The following FHOD3 variants were observed in gnomAD, a reference collection of about 807,000 sequenced individuals.
The protein encoded by FHOD3 is FH1/FH2 domain-containing protein 3.
FHOD3 carries 90 observed loss-of-function variants against 173.0 expected under a neutral mutation model. That is an observed-to-expected ratio of 0.52 (90% CI 0.44 to 0.62). The LOEUF (loss-of-function observed/expected upper bound fraction) is 0.62, where lower values mean the gene tolerates loss of function less well. FHOD3 is among the 20% of genes least tolerant of loss of function. The pLI, the probability that FHOD3 is intolerant of heterozygous loss-of-function variation, is 0.00. For synonymous variants in FHOD3, 828 were observed against 823.0 expected, an observed-to-expected ratio of 1.01 and a Z score of -0.10; for missense variants, 1,945 against 2,034.7, an observed-to-expected ratio of 0.96 and a Z score of 0.85.
rs1233168725 is a variant in FHOD3 at position 36,355,596 on chromosome 18, A to G, written c.223A>G (p.Thr75Ala). 1 of 1,613,984 alleles carries G rather than the reference A, an allele frequency of 6.2e-7. No homozygotes were observed. Among genetic ancestry groups the G allele is most frequent in the Non-Finnish European group, 8.5e-7 (1 of 1,180,008 alleles). Reference protein sequence around the residue: ...HNGAYLDLEATLAEQRDELEG... With the variant: ...HNGAYLDLEAALAEQRDELEG... ...TGGCGCCTACCTGGATTTGGAGGCC[A>G]CCCTGGCAGAGCAGCGGGATGAGTT... The change falls in exon 2 of 29, where the codon ACC (threonine) becomes GCC (alanine). Residue 75 changes from threonine (T) to alanine (A), a missense_variant. Thr to Ala is a moderately conservative substitution (Grantham distance 58). Around this residue, in one of 5 missense-constraint regions of FHOD3, gnomAD observed 245 missense variants for 267.7 expected, o/e 0.92. Coordinates refer to ENST00000590592, the MANE Select transcript of FHOD3 (RefSeq NM_001281740.3).
At chr18:36,341,090 G>T (rs941206703) in intron 1 of FHOD3, among the ~76,000 whole-genome samples, 1 of 152,148 alleles carries the variant, frequency 6.6e-6, no homozygotes, top group Non-Finnish European at 1.5e-5. Flanking sequence ...TACTAATTGT[G>T]TCAATCTTAG....
chr18:36,474,978 T>G (rs2053477497), intron 3 of FHOD3, among the ~76,000 whole-genome samples: 1 of 95,094 alleles, frequency 1.1e-5, no homozygotes, highest in African/African-American at 3.9e-5. Context: ...AGGTTGAAAA[T>G]ACACACATAC....
intron 1 of FHOD3, among the ~76,000 whole-genome samples, chr18:36,321,895 G>A (rs555683326): frequency 3.9e-5 from 6 of 152,338 alleles, no homozygotes; most frequent in Admixed American, 6.5e-5. Flanking sequence ...GGCTGCAGGC[G>A]ATGCCCTGTG....
At chr18:36,548,333 G>C (rs2057499441) in intron 5 of FHOD3, among the ~76,000 whole-genome samples, 1 of 152,190 alleles carries the variant, frequency 6.6e-6, no homozygotes, top group Non-Finnish European at 1.5e-5. Flanking sequence ...GATATTTCCT[G>C]TTAGTTTTGT....
rs1253575551 is a variant in FHOD3, at chr18:36,559,980, T to A, written c.512-16471T>A. 3.3e-5 allele frequency among the ~76,000 whole-genome samples: 5 copies of A among 152,128 alleles called. No homozygotes were observed. In the East Asian group the frequency reaches 9.7e-4, roughly 29 times the overall value. Reference sequence around the variant, plus strand: ...TTGCAGCAAGCTGAGAGAGGCATACTTTTGGAAAGTGAATTCTTTCTAGGA... The same window carrying A: ...TTGCAGCAAGCTGAGAGAGGCATACATTTGGAAAGTGAATTCTTTCTAGGA... On this transcript the variant is annotated intron_variant, in intron 5 of 28. Coordinates refer to ENST00000590592, the MANE Select transcript of FHOD3 (RefSeq NM_001281740.3).
At chr18:36,552,853 A>G (rs1198700623) in intron 5 of FHOD3, among the ~76,000 whole-genome samples, 3 of 152,084 alleles carry the variant, frequency 2.0e-5, no homozygotes, top group Non-Finnish European at 2.9e-5. Context: ...TTCCAACACT[A>G]TGTTGAATAG....
intron 7 of FHOD3, among the ~76,000 whole-genome samples, chr18:36,602,173 T>A (rs1035238742): frequency 2.0e-5 from 3 of 152,246 alleles, no homozygotes; most frequent in African/African-American, 7.2e-5. Flanking sequence ...TAATAGTATT[T>A]GTGCCTTGAT....
rs1890652925 is a variant in FHOD3 at position 36,345,376 on chromosome 18, A to T, written c.166-10163A>T. ...ATTTTGAATCGAACATAATGAAAAT[A>T]CATCACATCAGATCCTGTGGACTAT... On this transcript the variant is annotated intron_variant, in intron 1 of 28. Coordinates refer to ENST00000590592, the MANE Select transcript of FHOD3 (RefSeq NM_001281740.3). Among the ~76,000 whole-genome samples the T allele has an allele frequency of 2.0e-5, 3 of 152,388 alleles. No homozygotes were observed. In the South Asian group the frequency reaches 6.2e-4, roughly 32 times the overall value.
intron 3 of FHOD3, among the ~76,000 whole-genome samples, chr18:36,490,922 A>T (rs191493283): frequency 1.1e-3 from 166 of 152,316 alleles, no homozygotes; most frequent in Non-Finnish European, 2.0e-3. Context: ...GTAGATACAG[A>T]TGTGTCTGAA....
rs572358103 is a variant in FHOD3 at position 36,584,861 on chromosome 18, G to A, written c.606+8316G>A. On this transcript the variant is annotated intron_variant, in intron 6 of 28. Coordinates refer to ENST00000590592, the MANE Select transcript of FHOD3 (RefSeq NM_001281740.3). Reference sequence around the variant, plus strand: ...TAAAACATTTACTGAATTTTTTTGTGATTACAAAAATAACATACTCTCTTT... The same window carrying A: ...TAAAACATTTACTGAATTTTTTTGTAATTACAAAAATAACATACTCTCTTT... Among the ~76,000 whole-genome samples, 19 of 152,006 alleles carry A rather than the reference G, an allele frequency of 1.2e-4. 1 individual carries two copies. In the South Asian group the frequency reaches 3.9e-3, roughly 32 times the overall value.
chr18:36,506,845 G>T (rs2055329870), intron 4 of FHOD3, among the ~76,000 whole-genome samples: 3 of 152,222 alleles, frequency 2.0e-5, no homozygotes, highest in South Asian at 4.1e-4. Flanking sequence ...TGAGGCAGAT[G>T]ATTGTGGAGA....
At chr18:36,691,002 A>G (rs911787247) in intron 16 of FHOD3, among the ~76,000 whole-genome samples, 1 of 152,188 alleles carries the variant, frequency 6.6e-6, no homozygotes, top group African/African-American at 2.4e-5. Flanking sequence ...CCCATGTCTT[A>G]CAGATCTTCA....
intron 1 of FHOD3, among the ~76,000 whole-genome samples, chr18:36,301,906 T>C (rs942156299): frequency 6.6e-6 from 1 of 152,208 alleles, no homozygotes; most frequent in Non-Finnish European, 1.5e-5. Context: ...TTGCCCGGAG[T>C]GAGCTGGACA....
intron 9 of FHOD3, among the ~76,000 whole-genome samples, chr18:36,621,441 T>G (rs2033698106): frequency 6.6e-6 from 1 of 152,196 alleles, no homozygotes; most frequent in Admixed American, 6.5e-5. Context: ...TGGGAAGTTT[T>G]CACTCAGCTG....
intron 3 of FHOD3, among the ~76,000 whole-genome samples, chr18:36,380,586 T>G (rs1221903748): frequency 8.8e-6 from 1 of 113,844 alleles, no homozygotes. Context: ...TCTTTTCCTT[T>G]CCTTTCCTTT....
At chr18:36,629,584 G>A (rs78435343) in intron 10 of FHOD3, among the ~76,000 whole-genome samples, 1 of 152,080 alleles carries the variant, frequency 6.6e-6, no homozygotes, top group South Asian at 2.1e-4. Flanking sequence ...TTATGTGTGA[G>A]GGCTATGGGG....
chr18:36,682,964 A>G (rs1188322895), intron 15 of FHOD3, among the ~76,000 whole-genome samples: 2 of 152,244 alleles, frequency 1.3e-5, no homozygotes, highest in African/African-American at 2.4e-5. Flanking sequence ...AAGTTGCTTA[A>G]CTATAAGTCA....
rs59109469 is a variant in FHOD3, at chr18:36,369,440, AACACACACACACACACACACAC to A, written c.273-3202_273-3181del. On this transcript the variant is annotated intron_variant, in intron 2 of 28. Coordinates refer to ENST00000590592, the MANE Select transcript of FHOD3 (RefSeq NM_001281740.3). The stretch of plus-strand genomic sequence containing the variant: ...GATGTCCTTTGTTTTATTTTATTTA[AACACACACACACACACACACAC>A]ACACACACACACACACACACACACA... 8.3e-3 allele frequency among the ~76,000 whole-genome samples: 779 copies of A among 94,220 alleles called. 1 individual carries two copies. The highest frequency in any genetic ancestry group is 0.016 in the Middle Eastern group (2 of 126). 61.8% of individuals were successfully genotyped at this position (94,220 alleles called of 152,430 possible).
intron 11 of FHOD3, among the ~76,000 whole-genome samples, chr18:36,650,393 A>G (rs912621876): frequency 6.6e-6 from 1 of 152,186 alleles, no homozygotes; most frequent in Non-Finnish European, 1.5e-5. Flanking sequence ...CCCGGGGGTC[A>G]TAGAATCTTC....
Sources: gnomAD v4.1 joint callset for allele counts (sites outside exome capture counted in the v4.1 genomes callset) on GRCh38, gnomAD v4.1.1 for gene constraint, gnomAD v4.1.1 regional missense constraint, MANE v1.5 for transcripts, NCBI Gene and HGNC (gene_info 2026-07-23, HGNC 2026-07-21) for gene names.